Variants in UCKL1 observed in about 807,000 individuals in gnomAD.
The protein encoded by UCKL1 is uridine-cytidine kinase-like 1.
Under a neutral mutation model 59.2 loss-of-function variants are expected in UCKL1, and 65 were observed. The ratio of observed to expected loss-of-function variants is 1.10; its 90% CI spans 0.90 to 1.35. The LOEUF (loss-of-function observed/expected upper bound fraction) is 1.35. Ranked by LOEUF, UCKL1 falls within the 40% of genes most tolerant of loss-of-function variation. UCKL1 has a pLI of 0.00. For missense variants in UCKL1, 703 were observed against 784.3 expected, an observed-to-expected ratio of 0.90 and a Z score of 1.24; for synonymous variants, 410 against 323.1, an observed-to-expected ratio of 1.27 and a Z score of -2.88.
chr20:63,943,517 G>C (rs1184926796), intron 8 of UCKL1, 136 bp downstream of exon 8: 1 of 1,305,040 alleles, frequency 7.7e-7, no homozygotes, highest in East Asian at 2.4e-5. Context: ...CAGAAGCAGG[G>C]CTGGGACCAC....
At chr20:63,951,258 G>A in intron 1 of UCKL1, 1 of 965,124 alleles carries the variant, frequency 1.0e-6, no homozygotes, top group Non-Finnish European at 1.2e-6. Flanking sequence ...CAATCCTCGG[G>A]CCAGCCCTCG....
chr20:63,949,901 C>G (rs1447717044), intron 1 of UCKL1, among the ~76,000 whole-genome samples: 1 of 152,264 alleles, frequency 6.6e-6, no homozygotes, highest in African/African-American at 2.4e-5. Flanking sequence ...GGGACAGACA[C>G]CAGACGGCAG....
At chr20:63,950,691 G>C in intron 1 of UCKL1, 1 of 1,420,942 alleles carries the variant, frequency 7.0e-7, no homozygotes, top group Middle Eastern at 1.8e-4. Context: ...CCAAACACAG[G>C]TCTGAGTGGC....
rs1353334072 is a variant in UCKL1 at position 63,946,575 on chromosome 20, G to A, written c.182C>T (p.Thr61Ile). ...AGGCTCTGACTTGCACTGGCTGGTGGTCCGCTTCCGGGGAGAGCGCCCAGT... is the reference window on the plus strand; with the variant it reads ...AGGCTCTGACTTGCACTGGCTGGTGATCCGCTTCCGGGGAGAGCGCCCAGT... ...VGTGRSPRKR[T>I]TSQCKSEPPL... Residue 61 changes from threonine (T) to isoleucine (I), a missense_variant, in exon 2 of 15, where the codon ACC (threonine) becomes ATC (isoleucine). Physicochemically the swap from Thr to Ile is moderately conservative, Grantham distance 89. Transcript: ENST00000354216. The A allele has an allele frequency of 1.2e-6, 2 of 1,611,682 alleles. No homozygotes were observed. Among genetic ancestry groups the A allele is most frequent in the African/African-American group, 1.3e-5 (1 of 75,080 alleles).
intron 4 of UCKL1, 41 bp downstream of exon 4, chr20:63,945,764 C>T (rs1209550715): frequency 1.2e-6 from 2 of 1,612,748 alleles, no homozygotes; most frequent in Admixed American, 1.7e-5. Flanking sequence ...GCTCATGTGC[C>T]TGCAGCCCCC....
At chr20:63,948,595 G>GGGGCGTGTGTGTGAGGGA (rs1569121845) in intron 1 of UCKL1, 1 of 10,998 alleles carries the variant, frequency 9.1e-5, no homozygotes, top group African/African-American at 4.6e-4. Flanking sequence ...GTGAGAGGGA[G>GGGGCGTGTGTGTGAGGGA]GGGGCGTGTG....
chr20:63,945,972 G>A lies in UCKL1; in HGVS notation c.415C>T (p.Leu139=). ...GCCTGTTCCTGCTGCTGCTCAGTCA[G>A]CACCTGGTGGGGGAGGCTGTGGAGC... ...LLSMDSFYKV[L]TEQQQEQAAH... The change falls in exon 4 of 15, where the codon CTG becomes TTG. Residue 139 remains leucine (L), a synonymous_variant. Coordinates refer to ENST00000354216, the MANE Select transcript of UCKL1 (RefSeq NM_017859.4). The A allele has an allele frequency of 6.2e-7, 1 of 1,613,760 alleles. No homozygotes were observed. The highest frequency in any genetic ancestry group is 8.5e-7 in the Non-Finnish European group (1 of 1,179,976).
chr20:63,948,384 C>T (rs1261299351), intron 1 of UCKL1: 1 of 151,762 alleles, frequency 6.6e-6, no homozygotes, highest in African/African-American at 2.4e-5. Context: ...ATGGAACGCT[C>T]CACAGATGCC....
In UCKL1 at chr20:63,956,291, C is replaced by T. The variant is rs139402489; in HGVS notation, c.82G>A (p.Ala28Thr). 7.1e-5 allele frequency: 111 copies of T among 1,561,284 alleles called. 1 individual carries two copies. Among genetic ancestry groups the T allele is most frequent in the Non-Finnish European group, 8.4e-5 (97 of 1,158,272 alleles). ...PTARDTPGRQ[A>T]EKSETACEDR... ...TCGCACGCGGTCTCGCTTTTCTCAG[C>T]CTGCCGGCCTGGTGTGTCTCGGGCC... The change falls in exon 1 of 15, where the codon GCT becomes ACT. Residue 28 changes from alanine (A) to threonine (T), a missense_variant. Physicochemically the swap from Ala to Thr is moderately conservative, Grantham distance 58. This residue lies in a region of UCKL1 where 398 missense variants were observed against 373.0 expected (regional missense o/e 1.07). Coordinates refer to ENST00000354216, the MANE Select transcript of UCKL1 (RefSeq NM_017859.4).
intron 1 of UCKL1, among the ~76,000 whole-genome samples, chr20:63,949,134 C>T (rs1300662676): frequency 6.6e-6 from 1 of 152,180 alleles, no homozygotes; most frequent in East Asian, 1.9e-4. Context: ...TGTTTCCATG[C>T]CACCATCAGG....
chr20:63,940,072 G>T lies in UCKL1; in HGVS notation c.1568-17C>A, dbSNP rs777030523. 2 of 1,610,010 alleles carry T rather than the reference G, an allele frequency of 1.2e-6. No homozygotes were observed. Among genetic ancestry groups the T allele is most frequent in the East Asian group, 2.2e-5 (1 of 44,836 alleles). On this transcript the variant is annotated splice_polypyrimidine_tract_variant and intron_variant, in intron 14 of 14. Transcript: ENST00000354216. ...CAAAGTTCCCTGGAAAAAGGGGGGG[G>T]GGGGTCCAGTGTGGTGGGGCCTCCC...
chr20:63,956,227 C>T, intron 1 of UCKL1, 33 bp downstream of exon 1: 2 of 1,488,712 alleles, frequency 1.3e-6, no homozygotes, highest in Non-Finnish European at 1.8e-6. Context: ...CCTTCCCGCT[C>T]GCCAGTGGAG....
At chr20:63,951,907 C>G (rs1437612610) in intron 1 of UCKL1, among the ~76,000 whole-genome samples, 1 of 152,218 alleles carries the variant, frequency 6.6e-6, no homozygotes, top group Non-Finnish European at 1.5e-5. Flanking sequence ...CAGGGGCAGA[C>G]AGGTCAGCCA....
chr20:63,952,289 C>T (rs2057764127), intron 1 of UCKL1, among the ~76,000 whole-genome samples: 3 of 152,222 alleles, frequency 2.0e-5, no homozygotes, highest in African/African-American at 7.2e-5. Flanking sequence ...CTGGCATGGG[C>T]ATGCACCCTG....
At chr20:63,948,076 A>G (rs1198370964) in intron 1 of UCKL1, 1 of 152,362 alleles carries the variant, frequency 6.6e-6, no homozygotes, top group Non-Finnish European at 1.5e-5. Context: ...AGATGCCATG[A>G]GACAAGACAC....
chr20:63,950,945 T>C (rs2057499062), intron 1 of UCKL1: 2 of 1,328,458 alleles, frequency 1.5e-6, no homozygotes, highest in East Asian at 3.0e-5. Flanking sequence ...AGCAGTCCCC[T>C]AGGGCAGCTC....
chr20:63,943,601 T>G, intron 8 of UCKL1, 52 bp downstream of exon 8: 2 of 1,611,990 alleles, frequency 1.2e-6, no homozygotes, highest in Non-Finnish European at 1.7e-6. Flanking sequence ...CCAGAGCTCC[T>G]TGGAGGTGTT....
intron 1 of UCKL1, among the ~76,000 whole-genome samples, chr20:63,951,963 G>A (rs1426533791): frequency 1.3e-5 from 2 of 152,214 alleles, no homozygotes; most frequent in African/African-American, 4.8e-5. Flanking sequence ...GGAGCTTCTA[G>A]TACTGAGGCA....
intron 1 of UCKL1, chr20:63,950,877 G>A: frequency 6.9e-7 from 1 of 1,447,722 alleles, no homozygotes; most frequent in Admixed American, 2.8e-5. Context: ...CCCCAGGGGT[G>A]GATGCGTGGG....
Sources: gnomAD v4.1 joint callset for allele counts (sites outside exome capture counted in the v4.1 genomes callset) on GRCh38, gnomAD v4.1.1 for gene constraint, gnomAD v4.1.1 regional missense constraint, MANE v1.5 for transcripts, NCBI Gene and HGNC (gene_info 2026-07-23, HGNC 2026-07-21) for gene names.